ZNF532: variants seen among roughly 807,000 people sequenced by gnomAD.
The protein encoded by ZNF532 is zinc finger protein 532.
In ZNF532, 22 loss-of-function variants were observed where a neutral mutation model predicts 89.3. The observed-to-expected ratio is 0.25, with a 90% CI of 0.18 to 0.35. The LOEUF (loss-of-function observed/expected upper bound fraction) is 0.35. ZNF532 is among the 10% of genes least tolerant of loss of function. The pLI is 1.00. For missense variants in ZNF532, 1,132 were observed against 1,643.4 expected, an observed-to-expected ratio of 0.69 and a Z score of 5.38; for synonymous variants, 606 against 649.6, an observed-to-expected ratio of 0.93 and a Z score of 1.02.
rs149879530 is a variant in ZNF532 at position 58,929,799 on chromosome 18, T to G, written c.2347-4634T>G. On this transcript the variant is annotated intron_variant, in intron 3 of 9. Transcript: ENST00000591808. ...TAAAGCCATTTCTGCTGTATTTGCT[T>G]GGTATGACTTCCATTTAAGTGAGAT... is the stretch of plus-strand genomic sequence containing the variant. 9.2e-4 allele frequency among the ~76,000 whole-genome samples: 140 copies of G among 152,364 alleles called. 1 individual carries two copies. In the East Asian group the frequency reaches 0.024, roughly 26 times the overall value.
At chr18:58,951,766 C>G (rs2064219314) in intron 6 of ZNF532, among the ~76,000 whole-genome samples, 1 of 150,884 alleles carries the variant, frequency 6.6e-6, no homozygotes, top group East Asian at 2.0e-4. Context: ...TCTCCTGCCT[C>G]TGCCTCCCAA....
intron 6 of ZNF532, among the ~76,000 whole-genome samples, chr18:58,950,509 C>T (rs2064059502): frequency 6.6e-6 from 1 of 151,702 alleles, no homozygotes; most frequent in Admixed American, 6.6e-5. Context: ...ATCTATTTAG[C>T]TCTTGTTATT....
intron 2 of ZNF532, among the ~76,000 whole-genome samples, chr18:58,908,170 T>C (rs2060053245): frequency 6.6e-6 from 1 of 152,236 alleles, no homozygotes; most frequent in South Asian, 2.1e-4. Context: ...GAGTGTATGC[T>C]GTTATCCTCA....
At chr18:58,952,606 G>C (rs149367366) in intron 6 of ZNF532, among the ~76,000 whole-genome samples, 81 of 152,162 alleles carry the variant, frequency 5.3e-4, no homozygotes, top group African/African-American at 1.8e-3. Context: ...GGGTCTCTCT[G>C]TGTTGCCCAG....
intron 7 of ZNF532, among the ~76,000 whole-genome samples, chr18:58,976,763 C>T (rs2067105578): frequency 6.6e-6 from 1 of 152,240 alleles, no homozygotes; most frequent in Non-Finnish European, 1.5e-5. Flanking sequence ...GAACTCCTGA[C>T]CTCAGGTGAT....
chr18:58,891,773 C>G (rs751694911), intron 2 of ZNF532, among the ~76,000 whole-genome samples: 68 of 152,246 alleles, frequency 4.5e-4, no homozygotes, highest in Non-Finnish European at 6.6e-4. Flanking sequence ...TGTTGTTGAA[C>G]GTGCCATCCT....
intron 7 of ZNF532, among the ~76,000 whole-genome samples, chr18:58,967,977 T>C (rs1017995396): frequency 2.6e-5 from 4 of 152,168 alleles, no homozygotes; most frequent in South Asian, 2.1e-4. Flanking sequence ...ACAGCACATA[T>C]GGTACTCGTC....
intron 2 of ZNF532, among the ~76,000 whole-genome samples, chr18:58,888,887 TATTTTA>T (rs1202361114): frequency 1.9e-4 from 10 of 52,442 alleles, no homozygotes; most frequent in African/African-American, 7.4e-4. Flanking sequence ...TATATATATA[TATTTTA>T]TATATATATA....
At chr18:58,872,823 C>A (rs2057106175) in intron 2 of ZNF532, among the ~76,000 whole-genome samples, 1 of 152,080 alleles carries the variant, frequency 6.6e-6, no homozygotes, top group Non-Finnish European at 1.5e-5. Flanking sequence ...CCTCAGCCTC[C>A]TGAGTAGCTG....
At position 58,920,111 on chromosome 18, in the gene ZNF532, G is replaced by T; in HGVS notation, c.1824G>T (p.Gly608=). ...ACCTCAGTCCTCCCGCCAATGCAGG[G>T]ATCACGTTACCGACGCGTGGGTACA... is the stretch of plus-strand genomic sequence containing the variant. ...IPNLSPPANA[G]ITLPTRGYKC... is the part of the protein sequence containing the mutation. Residue 608 remains glycine, a synonymous_variant, in exon 3 of 10, where the codon GGG becomes GGT. Transcript: ENST00000591808. 1 of 1,613,960 alleles carries T rather than the reference G, an allele frequency of 6.2e-7. No homozygotes were observed. The highest frequency in any genetic ancestry group is 8.5e-7 in the Non-Finnish European group (1 of 1,179,874).
In ZNF532 at chr18:58,913,275, A is replaced by G. The variant is rs575090350; in HGVS notation, c.-17-4996A>G. Among the ~76,000 whole-genome samples the G allele has an allele frequency of 1.1e-3, 163 of 152,336 alleles. 2 individuals are homozygous for G. Among genetic ancestry groups the G allele is most frequent in the African/African-American group, 3.8e-3 (158 of 41,572 alleles). ...GAATTTGAATGTAGGCAGCCAAGAGAAGTCAATCCCTGTGTTTCTTGAAGA... is the reference window on the plus strand; with the variant it reads ...GAATTTGAATGTAGGCAGCCAAGAGGAGTCAATCCCTGTGTTTCTTGAAGA... On this transcript the variant is annotated intron_variant, in intron 2 of 9. Transcript: ENST00000591808.
At chr18:58,976,892 C>A (rs4940435) in intron 7 of ZNF532, among the ~76,000 whole-genome samples, 147,733 of 152,360 alleles carry the variant, frequency 0.97, 71,654 homozygotes, top group East Asian at 1. Flanking sequence ...GAAATACAGA[C>A]CTGTTGTTCA....
Position 58,953,796 on chromosome 18 carries a change from G to A in ZNF532, c.3147G>A (p.Gly1049=), listed in dbSNP as rs1328756023. ...VYISHVRKEH[G]KQMKKHPCRQ... ...TATCCCACGTGAGGAAGGAGCACGG[G>A]AAGGTCAGTAAAGAATGAAAGCTGC... The change falls in exon 7 of 10, where the codon GGG becomes GGA. Residue 1049 remains glycine (G), a synonymous_variant. Coordinates refer to ENST00000591808, the MANE Select transcript of ZNF532 (RefSeq NM_001375912.1). The A allele has an allele frequency of 1.2e-6, 2 of 1,611,920 alleles. No homozygotes were observed. The highest frequency in any genetic ancestry group is 2.2e-5 in the South Asian group (2 of 90,954).
chr18:58,908,995 C>G (rs1234448161), intron 2 of ZNF532, among the ~76,000 whole-genome samples: 1 of 152,142 alleles, frequency 6.6e-6, no homozygotes, highest in Non-Finnish European at 1.5e-5. Flanking sequence ...CTCTTGTCCC[C>G]CAGGCTGGAG....
intron 7 of ZNF532, among the ~76,000 whole-genome samples, chr18:58,968,540 C>G (rs1412861100): frequency 2.0e-5 from 3 of 152,208 alleles, no homozygotes; most frequent in Non-Finnish European, 2.9e-5. Context: ...CAGTGCCTCC[C>G]TGAACCTTCT....
intron 9 of ZNF532, among the ~76,000 whole-genome samples, chr18:58,982,910 G>A (rs1398707865): frequency 6.6e-6 from 1 of 152,130 alleles, no homozygotes; most frequent in Admixed American, 6.5e-5. Context: ...TCAGGAGTTC[G>A]AGACCAGCCT....
rs1177400779 is a variant in ZNF532, at chr18:58,865,144, A to G, written c.-369A>G. 1 of 151,732 alleles carries G rather than the reference A, an allele frequency of 6.6e-6. No homozygotes were observed. The highest frequency in any genetic ancestry group is 1.5e-5 in the Non-Finnish European group (1 of 68,002). 9.4% of individuals were successfully genotyped at this position (151,732 alleles called of 1,614,324 possible). ...GATTTATGACCCTTATTAGAGAAAA[A>G]AATGTGCCTTGCTAGGGTGGGGACA... On this transcript the variant is annotated 5_prime_UTR_variant, in exon 1 of 10. Coordinates refer to ENST00000591808, the MANE Select transcript of ZNF532 (RefSeq NM_001375912.1).
At chr18:58,927,531 C>T (rs776063741) in intron 3 of ZNF532, among the ~76,000 whole-genome samples, 49 of 151,840 alleles carry the variant, frequency 3.2e-4, no homozygotes, top group Non-Finnish European at 5.6e-4. Flanking sequence ...CGAAGAGAAA[C>T]CCAGGGAACT....
intron 2 of ZNF532, among the ~76,000 whole-genome samples, chr18:58,877,599 CT>C (rs2057534603): frequency 6.6e-6 from 1 of 152,218 alleles, no homozygotes; most frequent in African/African-American, 2.4e-5. Context: ...CATCTGGGCA[CT>C]GAGAGTTCTG....
Sources: allele counts gnomAD v4.1 joint callset (sites outside exome capture counted in the v4.1 genomes callset), GRCh38; gene constraint gnomAD v4.1.1; transcripts MANE v1.5; gene names NCBI Gene and HGNC (gene_info 2026-07-23, HGNC 2026-07-21).